The following HERC4 variants were observed in gnomAD, a reference collection of about 807,000 sequenced individuals.
The protein encoded by HERC4 is probable E3 ubiquitin-protein ligase HERC4.
In HERC4, 28 loss-of-function variants were observed where a neutral mutation model predicts 124.3. The observed-to-expected ratio is 0.23, with a 90% CI of 0.17 to 0.31. The LOEUF (loss-of-function observed/expected upper bound fraction) is 0.31, where lower values mean the gene tolerates loss of function less well. Among genes scored for constraint, HERC4 ranks in the 10% least tolerant of loss-of-function variants. HERC4 has a pLI of 1.00. For missense variants in HERC4, 713 were observed against 1,229.3 expected (o/e 0.58, Z 6.28); for synonymous variants, 407 against 421.5 (o/e 0.97, Z 0.42).
At chr10:67,943,765 C>A (rs577372615) in intron 19 of HERC4, among the ~76,000 whole-genome samples, 19 of 152,176 alleles carry the variant, frequency 1.2e-4, no homozygotes, top group Non-Finnish European at 2.5e-4. Context: ...AACACAGACA[C>A]CCAGGGTTAC....
chr10:68,009,095 G>A lies in HERC4; in HGVS notation c.1069+4931C>T, dbSNP rs560598515. Among the ~76,000 whole-genome samples, 12 of 151,968 alleles carry A rather than the reference G, an allele frequency of 7.9e-5. No homozygotes were observed. In the South Asian group the frequency reaches 8.3e-4, roughly 11 times the overall value. On this transcript the variant is annotated intron_variant, in intron 9 of 24. Transcript: ENST00000373700. The stretch of plus-strand genomic sequence containing the variant: ...AAAAATTAGCCAGGTGTGGTGGTGC[G>A]CACCTGAAATCCTAGCTACTAGGGT...
chr10:67,997,638 G>A (rs569239065), intron 9 of HERC4, among the ~76,000 whole-genome samples: 13 of 152,204 alleles, frequency 8.5e-5, no homozygotes, highest in Non-Finnish European at 1.6e-4. Flanking sequence ...TTGGAGATAA[G>A]GGCATTAAAG....
intron 19 of HERC4, among the ~76,000 whole-genome samples, chr10:67,947,195 T>C (rs754652750): frequency 3.3e-5 from 5 of 152,204 alleles, no homozygotes; most frequent in African/African-American, 9.6e-5. Context: ...AACATACGGA[T>C]GGACCATATA....
chr10:68,010,757 A>G (rs2037901343), intron 9 of HERC4: 9 of 1,492,634 alleles, frequency 6.0e-6, no homozygotes, highest in Non-Finnish European at 5.5e-6. Context: ...CATATTCCCA[A>G]ATAGAACCCC....
At chr10:67,964,207 G>C (rs1031826043) in intron 16 of HERC4, among the ~76,000 whole-genome samples, 2 of 149,350 alleles carry the variant, frequency 1.3e-5, no homozygotes, top group Non-Finnish European at 1.5e-5. Flanking sequence ...ACCCAAGAAT[G>C]GTATTATCAA....
intron 15 of HERC4, among the ~76,000 whole-genome samples, chr10:67,987,344 G>A (rs954329563): frequency 3.9e-5 from 6 of 152,096 alleles, no homozygotes; most frequent in South Asian, 2.1e-4. Context: ...TTCTTAAAGG[G>A]GGGAATAAAG....
intron 16 of HERC4, chr10:67,959,052 TACTC>T: frequency 1.4e-6 from 2 of 1,394,036 alleles, no homozygotes; most frequent in South Asian, 2.7e-5. Context: ...GCTCTTCTAT[TACTC>T]AGGAGAAAAT....
At chr10:68,018,636 AAT>A (rs1393321140) in intron 8 of HERC4, among the ~76,000 whole-genome samples, 1 of 152,212 alleles carries the variant, frequency 6.6e-6, no homozygotes, top group Non-Finnish European at 1.5e-5. Context: ...ATTTAAAATC[AAT>A]ATGTAAATAT....
intron 19 of HERC4, among the ~76,000 whole-genome samples, chr10:67,942,497 C>G (rs1485149176): frequency 6.6e-6 from 1 of 151,930 alleles, no homozygotes; most frequent in African/African-American, 2.4e-5. Context: ...TTTCCTCTAC[C>G]CCCGTTCCAG....
At chr10:68,005,330 A>G (rs2037475015) in intron 9 of HERC4, among the ~76,000 whole-genome samples, 1 of 152,052 alleles carries the variant, frequency 6.6e-6, no homozygotes, top group Non-Finnish European at 1.5e-5. Flanking sequence ...CTTGAAATCT[A>G]TTTTGTCTGA....
rs183785526 is a variant in HERC4 at position 68,069,603 on chromosome 10, G to A, written c.226+3280C>T. The A allele has an allele frequency of 4.3e-5, 42 of 985,196 alleles. 1 individual carries two copies. In the East Asian group the frequency reaches 3.3e-3, roughly 77 times the overall value. The allele number at this position is 985,196 out of a possible 1,614,324, so 61.0% of individuals were successfully genotyped here. A position where few individuals can be genotyped will look rare whatever the true frequency, so the allele number is the denominator to read the frequency against. The stretch of plus-strand genomic sequence containing the variant: ...CCTCCAGTAGGTTATTATGAATCTC[G>A]AGAATAATTTATCCTTAATAAGGCT... On this transcript the variant is annotated intron_variant, in intron 3 of 24. Coordinates refer to ENST00000373700, the MANE Select transcript of HERC4 (RefSeq NM_015601.4).
At chr10:67,967,831 GAAAC>G (rs1439223249) in intron 15 of HERC4, among the ~76,000 whole-genome samples, 5 of 151,254 alleles carry the variant, frequency 3.3e-5, no homozygotes, top group Non-Finnish European at 5.9e-5. Context: ...TCACAATGAG[GAAAC>G]AATCAGACAA....
At chr10:67,927,378 CCATATATATA>C (rs2031107274) in intron 23 of HERC4, among the ~76,000 whole-genome samples, 1 of 104,154 alleles carries the variant, frequency 9.6e-6, no homozygotes, top group African/African-American at 4.3e-5. Flanking sequence ...AATAAATACA[CCATATATATA>C]TATATATATA....
chr10:67,927,430 A>ATTTTTT (rs373401588), intron 23 of HERC4, among the ~76,000 whole-genome samples: 394 of 37,660 alleles, frequency 0.01, 13 homozygotes, highest in Non-Finnish European at 0.02. Flanking sequence ...ATATATATAT[A>ATTTTTT]TTTTTTTTTT....
At chr10:68,057,216 A>C (rs943134949) in intron 3 of HERC4, among the ~76,000 whole-genome samples, 2 of 152,226 alleles carry the variant, frequency 1.3e-5, no homozygotes, top group Non-Finnish European at 2.9e-5. Flanking sequence ...CTAAGCCAAA[A>C]TATTATTCAG....
intron 4 of HERC4, chr10:68,040,362 C>A: frequency 1.1e-6 from 1 of 947,490 alleles, no homozygotes; most frequent in Non-Finnish European, 1.3e-6. Flanking sequence ...TGTATTAATA[C>A]CCTAAAGAAT....
In HERC4 at chr10:67,923,054, C is replaced by G; in HGVS notation, c.3027G>C (p.Glu1009Asp). 1 of 1,613,690 alleles carries G rather than the reference C, an allele frequency of 6.2e-7. No homozygotes were observed. Among genetic ancestry groups the G allele is most frequent in the Non-Finnish European group, 8.5e-7 (1 of 1,179,668 alleles). Residue 1009 changes from glutamate to aspartate, a missense_variant, in exon 25 of 25, where the codon GAG (glutamate) becomes GAC (aspartate). Glu to Asp is a conservative substitution (Grantham distance 45, BLOSUM62 2). Transcript: ENST00000373700. Reference sequence around the variant, plus strand: ...AACAAGTATGGGAAACTGGGAGATACTCCTCACCACCTCCTGTGGACTGGA... The same window carrying G: ...AACAAGTATGGGAAACTGGGAGATAGTCCTCACCACCTCCTGTGGACTGGA... ...LVIQSTGGGE[E>D]YLPVSHTCFN...
Position 68,025,694 on chromosome 10 carries a change from C to G in HERC4, c.778-18G>C. The G allele has an allele frequency of 6.3e-7, 1 of 1,598,144 alleles. No homozygotes were observed. Among genetic ancestry groups the G allele is most frequent in the Non-Finnish European group, 8.5e-7 (1 of 1,172,910 alleles). On this transcript the variant is annotated intron_variant, in intron 7 of 24. Transcript: ENST00000373700. ...CCACCTTCCTAAAAAAAGACAAAACCCCTTATCATTAGAAGGCATGATAAA... is the reference window on the plus strand; with the variant it reads ...CCACCTTCCTAAAAAAAGACAAAACGCCTTATCATTAGAAGGCATGATAAA...
rs1048890280 is a variant in HERC4, at chr10:68,023,529, T to C, written c.908+2017A>G. Reference sequence around the variant, plus strand: ...AAATTCACAGAGACAGGAAGTAGAATGGTGGTTGCCACAAGAGAGTATGGA... The same window carrying C: ...AAATTCACAGAGACAGGAAGTAGAACGGTGGTTGCCACAAGAGAGTATGGA... On this transcript the variant is annotated intron_variant, in intron 8 of 24. Coordinates refer to ENST00000373700, the MANE Select transcript of HERC4 (RefSeq NM_015601.4). Among the ~76,000 whole-genome samples, 4 of 152,198 alleles carry C rather than the reference T, an allele frequency of 2.6e-5. No individual in the cohort carries two copies. In the South Asian group the frequency reaches 8.3e-4, roughly 31 times the overall value.
Sources: gnomAD v4.1 joint callset for allele counts (sites outside exome capture counted in the v4.1 genomes callset) on GRCh38, gnomAD v4.1.1 for gene constraint, MANE v1.5 for transcripts, NCBI Gene and HGNC (gene_info 2026-07-23, HGNC 2026-07-21) for gene names.